DDX43: variants seen among roughly 807,000 people sequenced by gnomAD.
DDX43 encodes the protein DEAD-box helicase 43.
A neutral mutation model predicts 84.9 loss-of-function variants in DDX43; 50 were observed. That is an observed-to-expected ratio of 0.59 (90% CI 0.47 to 0.75). DDX43 has a LOEUF of 0.75. DDX43 is among the 30% of genes least tolerant of loss of function. The pLI is 0.00. For synonymous variants in DDX43, 291 were observed against 266.3 expected, an observed-to-expected ratio of 1.09 and a Z score of -0.90; for missense variants, 689 against 798.6, an observed-to-expected ratio of 0.86 and a Z score of 1.65.
intron 11 of DDX43, 31 bp from the exon 12 acceptor site, chr6:73,413,627 C>A (rs944830440): frequency 6.2e-7 from 1 of 1,604,542 alleles, no homozygotes; most frequent in Admixed American, 1.7e-5. Context: ...TCATGATGAC[C>A]TTGATGAACT....
At chr6:73,395,829 G>T (rs1353383458) in intron 1 of DDX43, among the ~76,000 whole-genome samples, 1 of 152,036 alleles carries the variant, frequency 6.6e-6, no homozygotes, top group Admixed American at 6.6e-5. Context: ...TCAAAGAAAA[G>T]CTATAAGGTC....
chr6:73,395,105 A>C lies in DDX43; in HGVS notation c.200A>C (p.Glu67Ala). The part of the protein sequence containing the change: ...PPEAVAAGHE[E>A]LPLCFALKSH... ...GAGGCCGTGGCCGCTGGTCACGAGG[A>C]ACTGCCGCTGTGTTTTGCTTTGAAG... The change falls in exon 1 of 17, where the codon GAA becomes GCA. Residue 67 changes from glutamate to alanine, a missense_variant. Coordinates refer to ENST00000370336, the MANE Select transcript of DDX43 (RefSeq NM_018665.3). 1 of 1,614,132 alleles carries C rather than the reference A, an allele frequency of 6.2e-7. No homozygotes were observed. The highest frequency in any genetic ancestry group is 8.5e-7 in the Non-Finnish European group (1 of 1,179,978).
At chr6:73,404,647 G>T in intron 4 of DDX43, 43 bp from the exon 5 acceptor site, 2 of 1,383,180 alleles carry the variant, frequency 1.4e-6, no homozygotes, top group Non-Finnish European at 2.0e-6. Flanking sequence ...TATTCATGAT[G>T]CTGTAAAATT....
chr6:73,413,271 T>C (rs954042128), intron 11 of DDX43, among the ~76,000 whole-genome samples: 1 of 152,154 alleles, frequency 6.6e-6, no homozygotes, highest in Non-Finnish European at 1.5e-5. Flanking sequence ...TAATGGGTCA[T>C]TGCTTACACC....
At chr6:73,408,146 CTG>C in intron 9 of DDX43, 45 bp downstream of exon 9, 3 of 1,599,154 alleles carry the variant, frequency 1.9e-6, no homozygotes, top group Non-Finnish European at 2.6e-6. Context: ...TCAAAAATAA[CTG>C]AACTGGCCGG....
chr6:73,396,903 C>T (rs1289649224), intron 1 of DDX43, among the ~76,000 whole-genome samples: 3 of 152,052 alleles, frequency 2.0e-5, no homozygotes, highest in Non-Finnish European at 4.4e-5. Flanking sequence ...GGATTTTTTT[C>T]CTTACTAAGG....
intron 4 of DDX43, among the ~76,000 whole-genome samples, chr6:73,404,100 G>A (rs180915065): frequency 2.0e-5 from 3 of 149,384 alleles, no homozygotes; most frequent in Admixed American, 2.0e-4. Context: ...GATTACAGGC[G>A]TGAGCCGCCG....
At chr6:73,399,892 T>C (rs1769534602) in intron 2 of DDX43, among the ~76,000 whole-genome samples, 1 of 152,218 alleles carries the variant, frequency 6.6e-6, no homozygotes, top group African/African-American at 2.4e-5. Flanking sequence ...TACCATTTTA[T>C]AGGTTGGAGA....
intron 15 of DDX43, 28 bp from the exon 16 acceptor site, chr6:73,416,085 C>G (rs750516774): frequency 8.4e-7 from 1 of 1,187,560 alleles, no homozygotes; most frequent in South Asian, 1.3e-5. Flanking sequence ...ACTCAGAATC[C>G]TAATAACAAC....
In DDX43 at chr6:73,400,263, C is replaced by A; in HGVS notation, c.336C>A (p.Val112=). 6.2e-7 allele frequency: 1 copy of A among 1,604,852 alleles called. No individual in the cohort carries two copies. The highest frequency in any genetic ancestry group is 1.1e-5 in the South Asian group (1 of 89,104). Residue 112 remains valine, a synonymous_variant, in exon 3 of 17, where the codon GTC becomes GTA. Transcript: ENST00000370336. ...TACAAGAACAACCAGAATCATTAGTCAAAATTTTTGGCAGCAAGGCAATGC... is the reference window on the plus strand; with the variant it reads ...TACAAGAACAACCAGAATCATTAGTAAAAATTTTTGGCAGCAAGGCAATGC... ...QIIQEQPESL[V]KIFGSKAMQT...
chr6:73,416,473 G>C (rs949681794), intron 16 of DDX43, among the ~76,000 whole-genome samples: 3 of 152,082 alleles, frequency 2.0e-5, no homozygotes, highest in African/African-American at 7.2e-5. Context: ...ATAGTCAAGG[G>C]TATACAACCC....
At chr6:73,415,854 G>A (rs892461057) in intron 15 of DDX43, among the ~76,000 whole-genome samples, 6 of 152,036 alleles carry the variant, frequency 3.9e-5, no homozygotes, top group African/African-American at 1.5e-4. Context: ...TTCCAGCAGG[G>A]GGAACATATT....
At position 73,400,350 on chromosome 6, in the gene DDX43, A is replaced by C. The variant is rs374879594; in HGVS notation, c.423A>C (p.Ser141=). 12 of 1,606,016 alleles carry C rather than the reference A, an allele frequency of 7.5e-6. No homozygotes were observed. The African/African-American group carries it at 1.5e-4, about 20-fold the overall frequency. ...AAAAGCTAGAAGAAAATTACAATTC[A>C]GAATGCGGAATTGGTAAGTAATTTT... ...FVKKLEENYN[S]ECGIDTAFQP... The change falls in exon 3 of 17, where the codon TCA becomes TCC. Residue 141 remains serine, a synonymous_variant. Coordinates refer to ENST00000370336, the MANE Select transcript of DDX43 (RefSeq NM_018665.3).
intron 13 of DDX43, 30 bp from the exon 14 acceptor site, chr6:73,414,518 G>T: frequency 1.9e-6 from 3 of 1,593,166 alleles, no homozygotes; most frequent in Non-Finnish European, 2.6e-6. Flanking sequence ...TACCAGAATG[G>T]TTCAGTGTTC....
rs1562281821 is a variant in DDX43, at chr6:73,395,000, C to G, written c.95C>G (p.Ala32Gly). ...TVSRAPERRP[A>G]EELNRTGPEG... The stretch of plus-strand genomic sequence containing the variant: ...TCCCGAGCGCCAGAGAGGAGGCCGG[C>G]GGAGGAGTTGAATCGAACAGGTCCT... The change falls in exon 1 of 17, where the codon GCG becomes GGG. Residue 32 changes from alanine to glycine, a missense_variant. By Grantham distance (60) the Ala-to-Gly change is moderately conservative. This residue lies in a region of DDX43 where 137 missense variants were observed against 105.9 expected (regional missense o/e 1.29). Coordinates refer to ENST00000370336, the MANE Select transcript of DDX43 (RefSeq NM_018665.3). The G allele has an allele frequency of 6.2e-7, 1 of 1,614,214 alleles. No individual in the cohort carries two copies. The highest frequency in any genetic ancestry group is 8.5e-7 in the Non-Finnish European group (1 of 1,180,048).
chr6:73,402,091 A>G lies in DDX43; in HGVS notation c.568+101A>G, dbSNP rs976881960. ...CTTTATTTTTAGTAATGAAATGTAT[A>G]TGAAAATAGTAAAATCTAAAATGCT... On this transcript the variant is annotated intron_variant, in intron 4 of 16. Coordinates refer to ENST00000370336, the MANE Select transcript of DDX43 (RefSeq NM_018665.3). 1.6e-4 allele frequency: 235 copies of G among 1,451,664 alleles called. 1 individual carries two copies. The highest frequency in any genetic ancestry group is 2.1e-4 in the Non-Finnish European group (225 of 1,059,824). 89.9% of individuals were successfully genotyped at this position (1,451,664 alleles called of 1,614,324 possible). A position where few individuals can be genotyped will look rare whatever the true frequency, so the allele number is the denominator to read the frequency against.
chr6:73,404,150 T>C (rs1209673707), intron 4 of DDX43, among the ~76,000 whole-genome samples: 1 of 151,862 alleles, frequency 6.6e-6, no homozygotes, highest in Non-Finnish European at 1.5e-5. Context: ...AGTTTCACTT[T>C]TGTTGCCCAG....
chr6:73,395,458 A>T (rs1322949176), intron 1 of DDX43, among the ~76,000 whole-genome samples: 6 of 151,754 alleles, frequency 4.0e-5, no homozygotes, highest in South Asian at 2.1e-4. Flanking sequence ...TATATATATT[A>T]AAAAAAATAG....
chr6:73,404,103 A>AGCC (rs370120707), intron 4 of DDX43, among the ~76,000 whole-genome samples: 3 of 149,072 alleles, frequency 2.0e-5, no homozygotes, highest in Non-Finnish European at 3.0e-5. Context: ...TACAGGCGTG[A>AGCC]GCCGCCGCCG....
Sources: allele counts gnomAD v4.1 joint callset (sites outside exome capture counted in the v4.1 genomes callset), GRCh38; gene constraint gnomAD v4.1.1; regional missense constraint gnomAD v4.1.1; transcripts MANE v1.5; gene names NCBI Gene and HGNC (gene_info 2026-07-23, HGNC 2026-07-21).